Variants in TENM3 observed in about 807,000 individuals in gnomAD.
The protein encoded by TENM3 is teneurin-3.
A neutral mutation model predicts 255.1 loss-of-function variants in TENM3; 63 were observed. The observed-to-expected ratio is 0.25, with a 90% confidence interval of 0.20 to 0.30. The LOEUF is 0.30. Ranked by LOEUF, TENM3 falls within the 10% of genes least tolerant of loss-of-function variation. The pLI is 1.00. For missense variants in TENM3, 2,929 were observed against 3,461.1 expected, an observed-to-expected ratio of 0.85 and a Z score of 3.86; for synonymous variants, 1,306 against 1,322.3, an observed-to-expected ratio of 0.99 and a Z score of 0.27.
the TENM3 span, chr4:181,835,158 C>T: frequency 6.6e-6 from 1 of 152,066 alleles, no homozygotes. Flanking sequence ...TTATTTTGGC[C>T]TCAAGAAACT....
At chr4:182,516,904 AT>A (rs555769213) in intron 3 of TENM3, among the ~76,000 whole-genome samples, 22 of 151,636 alleles carry the variant, frequency 1.5e-4, no homozygotes, top group African/African-American at 3.9e-4. Context: ...AAAAAAAAAA[AT>A]GTAGGATTAT....
chr4:182,261,749 C>A (rs1284444592), intron 1 of TENM3, among the ~76,000 whole-genome samples: 1 of 152,200 alleles, frequency 6.6e-6, no homozygotes. Context: ...TCCTAACGCA[C>A]CAGGATGTTG....
the TENM3 span, among the ~76,000 whole-genome samples, chr4:181,868,449 A>G: frequency 6.6e-5 from 10 of 152,212 alleles, no homozygotes; most frequent in African/African-American, 2.4e-4. Flanking sequence ...CTGTTTTGCC[A>G]GATGATTTGA....
intron 3 of TENM3, among the ~76,000 whole-genome samples, chr4:182,518,970 A>C (rs927915723): frequency 1.3e-5 from 2 of 152,186 alleles, no homozygotes; most frequent in Admixed American, 1.3e-4. Context: ...TCTAATTCTC[A>C]CTGCAGGTTT....
intron 1 of TENM3, among the ~76,000 whole-genome samples, chr4:182,251,090 G>A (rs1447993053): frequency 1.3e-5 from 2 of 152,148 alleles, no homozygotes; most frequent in East Asian, 1.9e-4. Flanking sequence ...TGAAGGGTTC[G>A]GGGCCTTAAT....
intron 3 of TENM3, among the ~76,000 whole-genome samples, chr4:182,348,150 A>G (rs1386984934): frequency 1.3e-5 from 2 of 152,166 alleles, no homozygotes; most frequent in African/African-American, 2.4e-5. Flanking sequence ...ACCAAAGTCA[A>G]GATCAAATAA....
the TENM3 span, among the ~76,000 whole-genome samples, chr4:181,950,176 G>T: frequency 6.6e-6 from 1 of 151,886 alleles, no homozygotes; most frequent in East Asian, 1.9e-4. Context: ...CCCTTTTCCT[G>T]GCTCATGCTG....
At chr4:182,100,798 CATATATAT>C in the TENM3 span, among the ~76,000 whole-genome samples, 172 of 12,604 alleles carry the variant, frequency 0.014, 5 homozygotes, top group Admixed American at 0.016. Flanking sequence ...TATATATACA[CATATATAT>C]ACACATATAT....
chr4:182,093,881 A>C, the TENM3 span, among the ~76,000 whole-genome samples: 16 of 152,354 alleles, frequency 1.1e-4, no homozygotes, highest in African/African-American at 3.6e-4. Context: ...TTTTAAAATC[A>C]AAAAGGAAAA....
chr4:182,107,806 G>T, the TENM3 span, among the ~76,000 whole-genome samples: 1 of 152,116 alleles, frequency 6.6e-6, no homozygotes, highest in African/African-American at 2.4e-5. Flanking sequence ...TTCAAGAGGG[G>T]TTCAGTCAGA....
At chr4:182,177,788 A>G (rs926862424) in intron 1 of TENM3, among the ~76,000 whole-genome samples, 1 of 151,868 alleles carries the variant, frequency 6.6e-6, no homozygotes, top group African/African-American at 2.4e-5. Context: ...TTATCCTCCC[A>G]AAGTACTGGG....
intron 5 of TENM3, among the ~76,000 whole-genome samples, chr4:182,648,141 C>A (rs990817200): frequency 3.3e-5 from 5 of 152,124 alleles, no homozygotes; most frequent in African/African-American, 1.2e-4. Flanking sequence ...GGAGCACAGA[C>A]CATCACAGTT....
At chr4:182,797,730 T>C (rs1469010937) in intron 27 of TENM3, among the ~76,000 whole-genome samples, 1 of 152,030 alleles carries the variant, frequency 6.6e-6, no homozygotes, top group Non-Finnish European at 1.5e-5. Flanking sequence ...TAATTAGAGA[T>C]GGAGAAACTG....
intron 3 of TENM3, among the ~76,000 whole-genome samples, chr4:182,379,220 G>T (rs1767397017): frequency 6.6e-6 from 1 of 152,160 alleles, no homozygotes; most frequent in Admixed American, 6.5e-5. Flanking sequence ...AGCCGGGCGT[G>T]GTAGTGGGCT....
chr4:181,816,912 G>T, the TENM3 span, among the ~76,000 whole-genome samples: 1 of 152,128 alleles, frequency 6.6e-6, no homozygotes, highest in South Asian at 2.1e-4. Flanking sequence ...CATATATCTG[G>T]TAATATCACT....
the TENM3 span, among the ~76,000 whole-genome samples, chr4:181,467,126 T>TATATA: frequency 1.8e-4 from 5 of 27,166 alleles, no homozygotes; most frequent in South Asian, 1.5e-3. Flanking sequence ...TATATATATA[T>TATATA]TTTTTTTTTT....
chr4:182,248,104 A>T (rs1027379613), intron 1 of TENM3, among the ~76,000 whole-genome samples: 4 of 152,244 alleles, frequency 2.6e-5, no homozygotes, highest in African/African-American at 9.6e-5. Context: ...AAGCAAGCAT[A>T]TATGAAATAC....
At chr4:181,869,027 A>C in the TENM3 span, among the ~76,000 whole-genome samples, 1 of 152,008 alleles carries the variant, frequency 6.6e-6, no homozygotes, top group African/African-American at 2.4e-5. Context: ...TTGCTGACCA[A>C]TTTTCTTATA....
At chr4:181,684,264 A>G in the TENM3 span, among the ~76,000 whole-genome samples, 1 of 152,120 alleles carries the variant, frequency 6.6e-6, no homozygotes, top group Non-Finnish European at 1.5e-5. Context: ...CGAAAGCCCT[A>G]ATTTTTTACC....
Sources: gnomAD v4.1 joint callset for allele counts (sites outside exome capture counted in the v4.1 genomes callset) on GRCh38, gnomAD v4.1.1 for gene constraint, MANE v1.5 for transcripts, NCBI Gene and HGNC (gene_info 2026-07-23, HGNC 2026-07-21) for gene names.